Variants in MAP3K5 observed in about 807,000 individuals in gnomAD.
MAP3K5 encodes the protein ASK-1.
Under a neutral mutation model 158.7 loss-of-function variants are expected in MAP3K5, and 56 were observed. The ratio of observed to expected loss-of-function variants is 0.35; its 90% CI spans 0.28 to 0.44. MAP3K5 has a LOEUF of 0.44. MAP3K5 is among the 20% of genes least tolerant of loss of function. The probability of loss-of-function intolerance (pLI) is 1.00; values close to 1 mark genes in which losing one functional copy is unlikely to be tolerated. For synonymous variants in MAP3K5, 579 were observed against 601.7 expected, an observed-to-expected ratio of 0.96 and a Z score of 0.55; for missense variants, 1,294 against 1,674.8, an observed-to-expected ratio of 0.77 and a Z score of 3.97.
At chr6:136,729,426 C>T (rs1224970366) in intron 1 of MAP3K5, among the ~76,000 whole-genome samples, 2 of 152,212 alleles carry the variant, frequency 1.3e-5, no homozygotes, top group Admixed American at 1.3e-4. Flanking sequence ...ATAAGGATTA[C>T]ATGTGTGCTA....
chr6:136,770,721 T>C (rs751348619), intron 1 of MAP3K5, among the ~76,000 whole-genome samples: 1 of 152,166 alleles, frequency 6.6e-6, no homozygotes, highest in Non-Finnish European at 1.5e-5. Context: ...GGCACCACTG[T>C]ACTCCAGCCT....
chr6:136,773,170 GTT>G (rs1308368333), intron 1 of MAP3K5, among the ~76,000 whole-genome samples: 1 of 152,198 alleles, frequency 6.6e-6, no homozygotes, highest in African/African-American at 2.4e-5. Flanking sequence ...TGGAAACCCT[GTT>G]AAATAACACC....
At chr6:136,678,380 G>A (rs1319625402) in intron 7 of MAP3K5, among the ~76,000 whole-genome samples, 2 of 152,060 alleles carry the variant, frequency 1.3e-5, no homozygotes, top group Non-Finnish European at 2.9e-5. Context: ...GACTTACATG[G>A]CAGTACTGCT....
rs770797167 is a variant in MAP3K5 at position 136,698,702 on chromosome 6, C to T, written c.613-20G>A. On this transcript the variant is annotated intron_variant, in intron 3 of 29. Coordinates refer to ENST00000359015, the MANE Select transcript of MAP3K5 (RefSeq NM_005923.4). ...GCACATCTGCGGAGAGAGGAGGCATCGGCAAGTGGGGAGCTGGCCTGGAGA... is the reference window on the plus strand; with the variant it reads ...GCACATCTGCGGAGAGAGGAGGCATTGGCAAGTGGGGAGCTGGCCTGGAGA... 6.3e-7 allele frequency: 1 copy of T among 1,593,000 alleles called. No individual in the cohort carries two copies. Among genetic ancestry groups the T allele is most frequent in the Non-Finnish European group, 8.6e-7 (1 of 1,163,872 alleles).
Position 136,580,448 on chromosome 6 carries a change from G to A in MAP3K5, c.3412-42C>T, listed in dbSNP as rs545419855. 1.2e-5 allele frequency: 15 copies of A among 1,245,130 alleles called. No individual in the cohort carries two copies. The Admixed American group carries it at 1.4e-4, about 11-fold the overall frequency. The allele number at this position is 1,245,130 out of a possible 1,614,324, so 77.1% of individuals were successfully genotyped here. A position where few individuals can be genotyped will look rare whatever the true frequency, so the allele number is the denominator to read the frequency against. On this transcript the variant is annotated intron_variant, in intron 24 of 29. Transcript: ENST00000359015. ...ATTTAGCCTACTTTAATTTTTAATT[G>A]CAAATAGCCTAGATGATCGAAGCAC... is the stretch of plus-strand genomic sequence containing the variant.
intron 1 of MAP3K5, among the ~76,000 whole-genome samples, chr6:136,781,387 G>A (rs1784606546): frequency 6.6e-6 from 1 of 152,226 alleles, no homozygotes; most frequent in African/African-American, 2.4e-5. Flanking sequence ...CAGAAGTTGT[G>A]TGACTACTAT....
At chr6:136,580,883 T>C (rs928112859) in intron 24 of MAP3K5, among the ~76,000 whole-genome samples, 1 of 152,034 alleles carries the variant, frequency 6.6e-6, no homozygotes, top group Non-Finnish European at 1.5e-5. Flanking sequence ...GGCGGGATCA[T>C]GGCTCACTGC....
Position 136,583,754 on chromosome 6 carries a change from T to A in MAP3K5, c.3226-14A>T, listed in dbSNP as rs776902530. The A allele has an allele frequency of 6.2e-7, 1 of 1,611,818 alleles. No homozygotes were observed. The highest frequency in any genetic ancestry group is 1.7e-5 in the Admixed American group (1 of 59,910). On this transcript the variant is annotated splice_polypyrimidine_tract_variant and intron_variant, in intron 23 of 29. Transcript: ENST00000359015. ...TTCTTCAGCCCCCTGTGAATAAAAATCAACAATCCTTACATCAACATATGC... is the reference window on the plus strand; with the variant it reads ...TTCTTCAGCCCCCTGTGAATAAAAAACAACAATCCTTACATCAACATATGC...
At chr6:136,765,679 ATTTTT>A (rs780589836) in intron 1 of MAP3K5, among the ~76,000 whole-genome samples, 2 of 120,020 alleles carry the variant, frequency 1.7e-5, no homozygotes, top group Admixed American at 8.5e-5. Context: ...TGCCTGGCTA[ATTTTT>A]TTTTTTTTTT....
At chr6:136,730,353 G>A (rs1055570126) in intron 1 of MAP3K5, among the ~76,000 whole-genome samples, 14 of 151,592 alleles carry the variant, frequency 9.2e-5, no homozygotes, top group Non-Finnish European at 2.9e-5. Flanking sequence ...CACTAAATTG[G>A]GGAGTGGGAG....
chr6:136,644,599 T>C (rs1176163233), intron 11 of MAP3K5, among the ~76,000 whole-genome samples: 2 of 152,214 alleles, frequency 1.3e-5, no homozygotes, highest in Non-Finnish European at 2.9e-5. Flanking sequence ...TATACTGTAG[T>C]AGGCACTGTC....
intron 11 of MAP3K5, among the ~76,000 whole-genome samples, chr6:136,644,281 T>C (rs1050528036): frequency 4.6e-5 from 7 of 152,110 alleles, no homozygotes; most frequent in African/African-American, 1.2e-4. Flanking sequence ...AGCCCTGAGA[T>C]GGAAGGTGGA....
chr6:136,596,702 G>T (rs1332563429), intron 21 of MAP3K5, among the ~76,000 whole-genome samples: 1 of 152,190 alleles, frequency 6.6e-6, no homozygotes, highest in Non-Finnish European at 1.5e-5. Flanking sequence ...ATTGTAAGGG[G>T]TGGAAAGAGC....
chr6:136,757,587 T>A (rs149940482), intron 1 of MAP3K5, among the ~76,000 whole-genome samples: 2 of 108,176 alleles, frequency 1.8e-5, no homozygotes, highest in African/African-American at 4.2e-5. Context: ...TTATTTTTTA[T>A]TTTTTTTTTT....
intron 25 of MAP3K5, among the ~76,000 whole-genome samples, chr6:136,578,574 A>G (rs1432388754): frequency 2.0e-5 from 3 of 152,098 alleles, no homozygotes; most frequent in Non-Finnish European, 4.4e-5. Context: ...AGATTTGGGG[A>G]TAGGTCCAGA....
At chr6:136,789,294 A>G (rs1048215819) in intron 1 of MAP3K5, among the ~76,000 whole-genome samples, 1 of 152,350 alleles carries the variant, frequency 6.6e-6, no homozygotes, top group Non-Finnish European at 1.5e-5. Flanking sequence ...TGGGCAACAG[A>G]GTGAGACCTT....
intron 2 of MAP3K5, among the ~76,000 whole-genome samples, chr6:136,710,301 T>C (rs1781254803): frequency 6.6e-6 from 1 of 152,132 alleles, no homozygotes; most frequent in South Asian, 2.1e-4. Flanking sequence ...GAAGATAAAA[T>C]CAATATAAAC....
At chr6:136,683,717 C>G (rs1403766065) in intron 7 of MAP3K5, among the ~76,000 whole-genome samples, 1 of 152,130 alleles carries the variant, frequency 6.6e-6, no homozygotes, top group Non-Finnish European at 1.5e-5. Context: ...ATTGTGTAAA[C>G]ACTGATCCCT....
At chr6:136,681,687 T>C (rs773336333) in intron 7 of MAP3K5, among the ~76,000 whole-genome samples, 12 of 152,104 alleles carry the variant, frequency 7.9e-5, no homozygotes, top group Non-Finnish European at 1.3e-4. Context: ...GAGGCCAAGG[T>C]GGGCAGATCA....
Sources: allele counts gnomAD v4.1 joint callset (sites outside exome capture counted in the v4.1 genomes callset), GRCh38; gene constraint gnomAD v4.1.1; transcripts MANE v1.5; gene names NCBI Gene and HGNC (gene_info 2026-07-23, HGNC 2026-07-21).